Variants in GALNT13 observed in about 807,000 individuals in gnomAD.
The protein encoded by GALNT13 is UDP-GalNAc:polypeptide N-acetylgalactosaminyltransferase 13.
In GALNT13, 28 loss-of-function variants were observed where a neutral mutation model predicts 64.2. The ratio of observed to expected loss-of-function variants is 0.44; its 90% CI spans 0.32 to 0.60. GALNT13 has a LOEUF of 0.60. Ranked by LOEUF, GALNT13 falls within the 20% of genes least tolerant of loss-of-function variation. The probability of loss-of-function intolerance (pLI) is 0.05; values close to 1 mark genes in which losing one functional copy is unlikely to be tolerated. For missense variants in GALNT13, 577 were observed against 669.8 expected, an observed-to-expected ratio of 0.86 and a Z score of 1.53; for synonymous variants, 214 against 224.6, an observed-to-expected ratio of 0.95 and a Z score of 0.42.
At chr2:153,260,634 C>G in the GALNT13 span, among the ~76,000 whole-genome samples, 1 of 152,036 alleles carries the variant, frequency 6.6e-6, no homozygotes, top group African/African-American at 2.4e-5. Flanking sequence ...ATTTTTTATC[C>G]TCGACCTTTG....
chr2:154,159,697 A>G (rs564762327), intron 4 of GALNT13, among the ~76,000 whole-genome samples: 1 of 152,170 alleles, frequency 6.6e-6, no homozygotes, highest in South Asian at 2.1e-4. Flanking sequence ...TCCCAGCAGG[A>G]CAGTTTAGCC....
chr2:153,591,336 A>G, the GALNT13 span, among the ~76,000 whole-genome samples: 1 of 152,106 alleles, frequency 6.6e-6, no homozygotes, highest in Non-Finnish European at 1.5e-5. Context: ...TCCCAAACTC[A>G]TGAGTCAGAA....
chr2:153,671,332 G>T, the GALNT13 span, among the ~76,000 whole-genome samples: 1 of 152,116 alleles, frequency 6.6e-6, no homozygotes, highest in Non-Finnish European at 1.5e-5. Context: ...AGGGAAGCTC[G>T]TCAGACTAAC....
the GALNT13 span, among the ~76,000 whole-genome samples, chr2:153,722,267 A>T: frequency 1.4e-5 from 2 of 147,730 alleles, no homozygotes; most frequent in African/African-American, 5.2e-5. Flanking sequence ...AACGAGAACA[A>T]AGACACAACA....
intron 8 of GALNT13, among the ~76,000 whole-genome samples, chr2:154,279,597 C>T (rs964088925): frequency 3.3e-5 from 5 of 152,084 alleles, no homozygotes; most frequent in South Asian, 2.1e-4. Context: ...ACAAGAATAA[C>T]ATTTTGAAGT....
the GALNT13 span, among the ~76,000 whole-genome samples, chr2:153,694,322 T>G: frequency 1.3e-5 from 2 of 152,186 alleles, no homozygotes; most frequent in African/African-American, 4.8e-5. Context: ...TTCATTATTT[T>G]GCCTATTCTC....
At chr2:153,947,494 A>AGT (rs1318685131) in intron 3 of GALNT13, among the ~76,000 whole-genome samples, 1 of 147,210 alleles carries the variant, frequency 6.8e-6, no homozygotes, top group Non-Finnish European at 1.5e-5. Flanking sequence ...TCTTTTGAGG[A>AGT]GTGTCTGTTC....
At chr2:153,145,408 C>A in the GALNT13 span, among the ~76,000 whole-genome samples, 1 of 152,064 alleles carries the variant, frequency 6.6e-6, no homozygotes, top group South Asian at 2.1e-4. Flanking sequence ...CATTAACAAA[C>A]TTACCAGAAA....
At chr2:153,516,924 G>T in the GALNT13 span, among the ~76,000 whole-genome samples, 1 of 152,056 alleles carries the variant, frequency 6.6e-6, no homozygotes, top group Admixed American at 6.6e-5. Context: ...TTACTCTCTT[G>T]TAGGGTTTAG....
intron 3 of GALNT13, among the ~76,000 whole-genome samples, chr2:154,110,274 A>G (rs113800530): frequency 0.015 from 981 of 67,116 alleles, 28 homozygotes; most frequent in African/African-American, 0.064. Context: ...GACAGAACTA[A>G]TAGGATATAT....
At chr2:153,145,437 A>G in the GALNT13 span, among the ~76,000 whole-genome samples, 2 of 152,034 alleles carry the variant, frequency 1.3e-5, no homozygotes, top group African/African-American at 4.8e-5. Flanking sequence ...TTTAAAAAAT[A>G]TACCTAGTTG....
At chr2:153,623,810 T>C in the GALNT13 span, among the ~76,000 whole-genome samples, 1 of 152,110 alleles carries the variant, frequency 6.6e-6, no homozygotes, top group South Asian at 2.1e-4. Flanking sequence ...CTTATTTTTT[T>C]ATACCTTCAC....
At chr2:153,578,202 TCTAA>T in the GALNT13 span, among the ~76,000 whole-genome samples, 2 of 152,174 alleles carry the variant, frequency 1.3e-5, no homozygotes, top group Non-Finnish European at 2.9e-5. Context: ...AGGTGAAGTC[TCTAA>T]CTATGTCAAT....
chr2:154,169,314 C>T (rs1244626359), intron 4 of GALNT13, among the ~76,000 whole-genome samples: 4 of 152,120 alleles, frequency 2.6e-5, no homozygotes, highest in African/African-American at 9.7e-5. Flanking sequence ...TAAAATTAGC[C>T]ATCACATTTG....
chr2:153,316,897 C>G, the GALNT13 span, among the ~76,000 whole-genome samples: 1 of 152,062 alleles, frequency 6.6e-6, no homozygotes, highest in Admixed American at 6.5e-5. Context: ...TATTCTGTAT[C>G]TTAATAGCTT....
At chr2:153,174,129 A>G in the GALNT13 span, among the ~76,000 whole-genome samples, 1 of 152,260 alleles carries the variant, frequency 6.6e-6, no homozygotes, top group Middle Eastern at 3.4e-3. Flanking sequence ...TCTGAAATCC[A>G]GGAGGTGAGG....
At chr2:153,984,485 A>G (rs957768056) in intron 3 of GALNT13, among the ~76,000 whole-genome samples, 1 of 151,670 alleles carries the variant, frequency 6.6e-6, no homozygotes, top group Non-Finnish European at 1.5e-5. Context: ...TATTATTTAA[A>G]TATTATTGGA....
the GALNT13 span, among the ~76,000 whole-genome samples, chr2:153,411,455 T>C: frequency 1.3e-5 from 2 of 152,104 alleles, no homozygotes; most frequent in Admixed American, 6.5e-5. Context: ...CTAATTTCTT[T>C]AGGAAATGAC....
chr2:154,091,937 T>C (rs1701829966), intron 3 of GALNT13, among the ~76,000 whole-genome samples: 1 of 151,900 alleles, frequency 6.6e-6, no homozygotes, highest in African/African-American at 2.4e-5. Flanking sequence ...TGCTTTAAAC[T>C]AATCGGATAT....
Sources: allele counts gnomAD v4.1 joint callset (sites outside exome capture counted in the v4.1 genomes callset), GRCh38; gene constraint gnomAD v4.1.1; transcripts MANE v1.5; gene names NCBI Gene and HGNC (gene_info 2026-07-23, HGNC 2026-07-21).